GAN: variants seen among roughly 807,000 people sequenced by gnomAD.
The protein encoded by GAN is gigaxonin.
In GAN, 48 loss-of-function variants were observed where a neutral mutation model predicts 71.3. That is an observed-to-expected ratio of 0.67 (90% CI 0.53 to 0.86). The LOEUF (loss-of-function observed/expected upper bound fraction) is 0.86, where lower values mean the gene tolerates loss of function less well. GAN is among the 40% of genes least tolerant of loss of function. The pLI is 0.00. For missense variants in GAN, 928 were observed against 770.1 expected, an observed-to-expected ratio of 1.21 and a Z score of -2.43; for synonymous variants, 386 against 276.8, an observed-to-expected ratio of 1.39 and a Z score of -3.92.
At position 81,385,769 on chromosome 16, in the gene GAN, CT is replaced by C. The variant is rs11461340; in HGVS notation, c.*8193del. On this transcript the variant is annotated 3_prime_UTR_variant, in exon 11 of 11. Coordinates refer to ENST00000648994, the MANE Select transcript of GAN (RefSeq NM_022041.4). ...ATTAGAAGTTGGTGTTCATAAAATACTTTTTTTTTTTTTTTTTTTTGAGATG... is the reference window on the plus strand; with the variant it reads ...ATTAGAAGTTGGTGTTCATAAAATACTTTTTTTTTTTTTTTTTTTGAGATG... 2,466 of 124,360 alleles carry C rather than the reference CT, an allele frequency of 0.02. 10 individuals are homozygous for C. The highest frequency in any genetic ancestry group is 0.027 in the Non-Finnish European group (1,582 of 59,514). The allele number at this position is 124,360 out of a possible 1,614,324, so 7.7% of individuals were successfully genotyped here.
intron 1 of GAN, among the ~76,000 whole-genome samples, chr16:81,325,355 G>A (rs1347476933): frequency 6.6e-6 from 1 of 152,214 alleles, no homozygotes; most frequent in Non-Finnish European, 1.5e-5. Flanking sequence ...TAGGAGTTGG[G>A]TGGGTGAAAG....
At chr16:81,340,207 C>G (rs534036411) in intron 1 of GAN, among the ~76,000 whole-genome samples, 1 of 152,036 alleles carries the variant, frequency 6.6e-6, no homozygotes, top group Non-Finnish European at 1.5e-5. Flanking sequence ...ACAAAGTGCC[C>G]GGATTACAGG....
intron 1 of GAN, among the ~76,000 whole-genome samples, chr16:81,339,080 G>A (rs542988787): frequency 4.6e-5 from 7 of 152,114 alleles, no homozygotes; most frequent in Non-Finnish European, 1.0e-4. Context: ...ATTCATCTGG[G>A]ATTAATTGGA....
chr16:81,374,175 G>A (rs541927449), intron 9 of GAN, among the ~76,000 whole-genome samples: 20 of 152,198 alleles, frequency 1.3e-4, no homozygotes, highest in African/African-American at 4.6e-4. Flanking sequence ...ATGCAGTTTG[G>A]CAATACCACA....
chr16:81,330,270 CT>C (rs1909531730), intron 1 of GAN, among the ~76,000 whole-genome samples: 1 of 152,074 alleles, frequency 6.6e-6, no homozygotes, highest in Non-Finnish European at 1.5e-5. Context: ...GTTTAAAACT[CT>C]AATATCTCCA....
intron 1 of GAN, among the ~76,000 whole-genome samples, chr16:81,326,244 G>A (rs1011106098): frequency 3.9e-5 from 6 of 152,068 alleles, no homozygotes; most frequent in South Asian, 2.1e-4. Flanking sequence ...TTGGTTGGGT[G>A]CCGTGGCTCA....
chr16:81,321,787 T>A (rs1909231257), intron 1 of GAN, among the ~76,000 whole-genome samples: 3 of 152,200 alleles, frequency 2.0e-5, no homozygotes, highest in African/African-American at 7.2e-5. Context: ...TTTGTGAGTT[T>A]GAATTCTGGG....
At chr16:81,371,877 T>C (rs889149819) in intron 9 of GAN, 1 of 152,240 alleles carries the variant, frequency 6.6e-6, no homozygotes, top group Non-Finnish European at 1.5e-5. Context: ...TACCTGCTTT[T>C]CTTCAGTTTC....
chr16:81,338,978 C>T (rs1276995992), intron 1 of GAN, among the ~76,000 whole-genome samples: 1 of 152,206 alleles, frequency 6.6e-6, no homozygotes, highest in Non-Finnish European at 1.5e-5. Context: ...ATCATAGAAG[C>T]TCAAGAGTTT....
intron 1 of GAN, among the ~76,000 whole-genome samples, chr16:81,319,090 A>G (rs1909139838): frequency 6.6e-6 from 1 of 151,788 alleles, no homozygotes; most frequent in East Asian, 1.9e-4. Context: ...CTGAGGCGGG[A>G]GGATCCCTTG....
In GAN at chr16:81,377,301, A is replaced by G. The variant is rs1389957031; in HGVS notation, c.1585A>G (p.Ile529Val). 3 of 1,604,412 alleles carry G rather than the reference A, an allele frequency of 1.9e-6. No homozygotes were observed. Among genetic ancestry groups the G allele is most frequent in the Non-Finnish European group, 2.6e-6 (3 of 1,171,204 alleles). ...VYGAVPIGAS[I>V]YVIGDLDTGT... ...TGGAGCTGTACCTATAGGAGCCAGT[A>G]TTTATGTTATTGGAGATCTTGATAC... is the stretch of plus-strand genomic sequence containing the variant. The change falls in exon 10 of 11, where the codon ATT becomes GTT. Residue 529 changes from isoleucine (I) to valine (V), a missense_variant. Coordinates refer to ENST00000648994, the MANE Select transcript of GAN (RefSeq NM_022041.4).
intron 9 of GAN, among the ~76,000 whole-genome samples, chr16:81,375,973 CA>C (rs55948304): frequency 0.28 from 29,779 of 106,470 alleles, 2,948 homozygotes; most frequent in Non-Finnish European, 0.34. Context: ...GACCCTGTCT[CA>C]AAAAAAAAAA....
At chr16:81,367,045 G>A (rs1026433397) in intron 9 of GAN, among the ~76,000 whole-genome samples, 1 of 151,906 alleles carries the variant, frequency 6.6e-6, no homozygotes, top group Non-Finnish European at 1.5e-5. Flanking sequence ...GGTTGGTCTC[G>A]AACTCCTGAC....
intron 4 of GAN, among the ~76,000 whole-genome samples, chr16:81,357,475 A>G (rs570183490): frequency 2.6e-5 from 4 of 152,294 alleles, no homozygotes; most frequent in Admixed American, 6.5e-5. Flanking sequence ...CATGGTGTAT[A>G]TGTGCTACAT....
intron 1 of GAN, among the ~76,000 whole-genome samples, chr16:81,333,442 A>T (rs1016577513): frequency 1.3e-5 from 2 of 152,088 alleles, no homozygotes; most frequent in Non-Finnish European, 2.9e-5. Flanking sequence ...GAAATTTTAG[A>T]CTTAAGCAGG....
chr16:81,377,179 T>C, intron 9 of GAN, 40 bp from the exon 10 acceptor site: 1 of 1,194,708 alleles, frequency 8.4e-7, no homozygotes, highest in Non-Finnish European at 1.3e-6. Context: ...GTTGTCATCC[T>C]TTTGATTTCC....
chr16:81,381,844 G>T lies in GAN; in HGVS notation c.*4248G>T, dbSNP rs1904306755. The T allele has an allele frequency of 6.6e-6, 1 of 152,198 alleles. No individual in the cohort carries two copies. The allele number at this position is 152,198 out of a possible 1,614,324, so 9.4% of individuals were successfully genotyped here. On this transcript the variant is annotated 3_prime_UTR_variant, in exon 11 of 11. Transcript: ENST00000648994. ...TACTGGGTTTTCAGTGAGAAACTTT[G>T]TACCCATATGGGCTGGCCTCCTATA... is the stretch of plus-strand genomic sequence containing the variant.
At chr16:81,351,996 G>A (rs1394347057) in intron 2 of GAN, among the ~76,000 whole-genome samples, 1 of 152,120 alleles carries the variant, frequency 6.6e-6, no homozygotes, top group Admixed American at 6.5e-5. Flanking sequence ...CCTGACTGCT[G>A]TGTTTTTGGT....
intron 1 of GAN, among the ~76,000 whole-genome samples, chr16:81,332,222 G>T (rs969084243): frequency 6.6e-6 from 1 of 151,988 alleles, no homozygotes; most frequent in Non-Finnish European, 1.5e-5. Context: ...AAGCTTTCAG[G>T]AACTGGCAAG....
Sources: allele counts gnomAD v4.1 joint callset (sites outside exome capture counted in the v4.1 genomes callset), GRCh38; gene constraint gnomAD v4.1.1; transcripts MANE v1.5; gene names NCBI Gene and HGNC (gene_info 2026-07-23, HGNC 2026-07-21).